Variants in RHEX observed in about 807,000 individuals in gnomAD.
RHEX encodes regulator of hemoglobinization and erythroid cell expansion.
A neutral mutation model predicts 20.1 loss-of-function variants in RHEX; 18 were observed. The observed-to-expected ratio is 0.90, with a 90% CI of 0.62 to 1.33. RHEX has a LOEUF of 1.33. Among genes scored for constraint, RHEX ranks in the 40% most tolerant of loss-of-function variants. The probability of loss-of-function intolerance (pLI) is 0.00; values close to 1 mark genes in which losing one functional copy is unlikely to be tolerated. For missense variants in RHEX, 192 were observed against 214.3 expected (o/e 0.90, Z 0.65); for synonymous variants, 87 against 77.1 (o/e 1.13, Z -0.67).
intron 1 of RHEX, among the ~76,000 whole-genome samples, chr1:206,055,604 A>C (rs1662172647): frequency 6.6e-6 from 1 of 152,288 alleles, no homozygotes; most frequent in South Asian, 2.1e-4. Context: ...CCGAAATCAA[A>C]TAGCTACAGG....
chr1:206,101,524 T>C (rs1395986067), intron 5 of RHEX, among the ~76,000 whole-genome samples: 1 of 152,238 alleles, frequency 6.6e-6, no homozygotes, highest in Admixed American at 6.5e-5. Context: ...CATCTTCCTG[T>C]TGCCTCCACC....
chr1:206,058,722 G>C (rs989501172), intron 1 of RHEX, among the ~76,000 whole-genome samples: 4 of 152,162 alleles, frequency 2.6e-5, no homozygotes, highest in East Asian at 1.9e-4. Context: ...CATACCGCCT[G>C]CTTGCTCAAA....
intron 1 of RHEX, among the ~76,000 whole-genome samples, chr1:206,055,889 G>A (rs1348932997): frequency 3.3e-5 from 5 of 152,348 alleles, no homozygotes; most frequent in Non-Finnish European, 5.9e-5. Context: ...GTTTCCAAAC[G>A]CTGGCCCCCA....
chr1:206,074,700 T>C (rs2102315472), intron 1 of RHEX, among the ~76,000 whole-genome samples: 1 of 152,284 alleles, frequency 6.6e-6, no homozygotes, highest in East Asian at 1.9e-4. Context: ...ACTCTGAAAA[T>C]CTGAAATCTG....
rs1455093566 is a variant in RHEX, at chr1:206,102,139, G to A, written c.*187G>A. On this transcript the variant is annotated 3_prime_UTR_variant, in exon 6 of 6. Transcript: ENST00000331555. ...CTCAAGACCCATGGACTCCTGGTCT[G>A]TACCCAAAAAAGCTGTTCGTTCCTC... 3 of 617,548 alleles carry A rather than the reference G, an allele frequency of 4.9e-6. No homozygotes were observed. Among genetic ancestry groups the A allele is most frequent in the Non-Finnish European group, 8.5e-6 (3 of 351,128 alleles). The allele number at this position is 617,548 out of a possible 1,614,324, so 38.3% of individuals were successfully genotyped here.
chr1:206,063,475 T>G (rs544823982), intron 1 of RHEX, among the ~76,000 whole-genome samples: 1 of 152,234 alleles, frequency 6.6e-6, no homozygotes, highest in African/African-American at 2.4e-5. Flanking sequence ...CCATCTCGGC[T>G]CACTGCAACC....
At chr1:206,101,715 G>A in intron 5 of RHEX, 37 bp from the exon 6 acceptor site, 1 of 1,513,630 alleles carries the variant, frequency 6.6e-7, no homozygotes, top group Non-Finnish European at 9.1e-7. Flanking sequence ...AAACGTGGTA[G>A]GGATCTTGAC....
chr1:206,094,209 G>A (rs1468737191), intron 1 of RHEX, among the ~76,000 whole-genome samples: 4 of 149,858 alleles, frequency 2.7e-5, no homozygotes, highest in Admixed American at 6.9e-5. Flanking sequence ...TCACGTGCAC[G>A]CGCAAATGAG....
chr1:206,074,451 G>A (rs1553285000), intron 1 of RHEX, among the ~76,000 whole-genome samples: 2 of 152,198 alleles, frequency 1.3e-5, no homozygotes, highest in Admixed American at 6.5e-5. Flanking sequence ...TCATAGCAAA[G>A]CAAATGTTTT....
intron 1 of RHEX, among the ~76,000 whole-genome samples, chr1:206,068,439 G>A (rs1662470556): frequency 6.6e-6 from 1 of 152,180 alleles, no homozygotes; most frequent in South Asian, 2.1e-4. Context: ...ATGCCTTATA[G>A]GGTATTTTTG....
intron 1 of RHEX, among the ~76,000 whole-genome samples, chr1:206,086,781 G>A (rs566003482): frequency 6.6e-6 from 1 of 152,176 alleles, no homozygotes; most frequent in Non-Finnish European, 1.5e-5. Context: ...GGCTGAGACA[G>A]GAGGATTGCT....
chr1:206,075,902 G>T (rs1662626839), intron 1 of RHEX, among the ~76,000 whole-genome samples: 1 of 152,066 alleles, frequency 6.6e-6, no homozygotes, highest in Non-Finnish European at 1.5e-5. Context: ...TGCACAGCCA[G>T]AACAAGTCTT....
chr1:206,075,710 C>G (rs1662623717), intron 1 of RHEX, among the ~76,000 whole-genome samples: 1 of 151,848 alleles, frequency 6.6e-6, no homozygotes, highest in South Asian at 2.1e-4. Context: ...AAGCGATTCT[C>G]CTGCCTCAGC....
rs782252937 is a variant in RHEX, at chr1:206,099,670, A to G, written c.128A>G (p.Gln43Arg). 11 of 1,613,948 alleles carry G rather than the reference A, an allele frequency of 6.8e-6. No homozygotes were observed. Among genetic ancestry groups the G allele is most frequent in the Non-Finnish European group, 9.3e-6 (11 of 1,180,002 alleles). ...TCCCTTCCAGCCCACAAGAGTGAAC[A>G]GATACTGAAAGCGGCCAGTCTCCAG... ...LSRHMAHKSE[Q>R]ILKAASLQVP... The change falls in exon 4 of 6, where the codon CAG becomes CGG. Residue 43 changes from glutamine to arginine, a missense_variant. By Grantham distance (43) the Gln-to-Arg change is conservative. Transcript: ENST00000331555.
intron 1 of RHEX, among the ~76,000 whole-genome samples, chr1:206,071,093 AG>A (rs1307152287): frequency 6.6e-6 from 1 of 152,204 alleles, no homozygotes; most frequent in Admixed American, 6.5e-5. Context: ...AGCCAGCCGG[AG>A]TCCCAAAACC....
rs1553287885 is a variant in RHEX, at chr1:206,097,832, C to G, written c.4C>G (p.Leu2Val). Reference sequence around the variant, plus strand: ...ACTTATCAGCAAGGAGCTCATCATGCTGACAGAGTGAGTGGGCCCAACAAG... The same window carrying G: ...ACTTATCAGCAAGGAGCTCATCATGGTGACAGAGTGAGTGGGCCCAACAAG... M[L>V]TEVMEVWHGL... Residue 2 changes from leucine to valine, a missense_variant, in exon 2 of 6, where the codon CTG (leucine) becomes GTG (valine). Transcript: ENST00000331555. 1 of 1,610,162 alleles carries G rather than the reference C, an allele frequency of 6.2e-7. No individual in the cohort carries two copies. The highest frequency in any genetic ancestry group is 2.2e-5 in the East Asian group (1 of 44,862).
rs781906945 is a variant in RHEX, at chr1:206,101,998, A to G, written c.*46A>G. On this transcript the variant is annotated 3_prime_UTR_variant, in exon 6 of 6. Coordinates refer to ENST00000331555, the MANE Select transcript of RHEX (RefSeq NM_001007544.4). ...GGTCCAGTTCTCTATGGATTCTTAC[A>G]TTTAATTTGTAGGGAAATGCCATTT... The G allele has an allele frequency of 8.2e-6, 12 of 1,460,862 alleles. No individual in the cohort carries two copies. The highest frequency in any genetic ancestry group is 4.5e-5 in the East Asian group (2 of 44,018). 90.5% of individuals were successfully genotyped at this position (1,460,862 alleles called of 1,614,324 possible).
chr1:206,054,346 G>A (rs1314120636), intron 1 of RHEX, among the ~76,000 whole-genome samples: 1 of 152,172 alleles, frequency 6.6e-6, no homozygotes, highest in Non-Finnish European at 1.5e-5. Flanking sequence ...AAAGTAATAA[G>A]GCCTCCTGAG....
intron 1 of RHEX, among the ~76,000 whole-genome samples, chr1:206,078,072 T>C (rs1340857767): frequency 1.3e-5 from 2 of 152,234 alleles, no homozygotes; most frequent in African/African-American, 2.4e-5. Context: ...CCAGCCTATG[T>C]CTATAAGGTA....
Sources: allele counts gnomAD v4.1 joint callset (sites outside exome capture counted in the v4.1 genomes callset), GRCh38; gene constraint gnomAD v4.1.1; transcripts MANE v1.5; gene names NCBI Gene and HGNC (gene_info 2026-07-23, HGNC 2026-07-21).